Variants in NEBL observed in about 807,000 individuals in gnomAD.
The protein encoded by NEBL is LIM and SH3 protein 2.
In NEBL, 122 loss-of-function variants were observed where a neutral mutation model predicts 140.2. The ratio of observed to expected loss-of-function variants is 0.87; its 90% confidence interval spans 0.75 to 1.01. The LOEUF is 1.01. NEBL is among the 50% of genes least tolerant of loss of function. The probability of loss-of-function intolerance (pLI) is 0.00; values close to 1 mark genes in which losing one functional copy is unlikely to be tolerated. For missense variants in NEBL, 1,365 were observed against 1,231.3 expected, an observed-to-expected ratio of 1.11 and a Z score of -1.62; for synonymous variants, 436 against 398.9, an observed-to-expected ratio of 1.09 and a Z score of -1.11.
chr10:21,025,959 A>G (rs1302810729), intron 2 of NEBL, among the ~76,000 whole-genome samples: 1 of 152,140 alleles, frequency 6.6e-6, no homozygotes, highest in Non-Finnish European at 1.5e-5. Context: ...AACTACTACT[A>G]CTTTCTCTTT....
chr10:21,214,136 T>C (rs1054623917), intron 3 of NEBL, among the ~76,000 whole-genome samples: 2 of 151,434 alleles, frequency 1.3e-5, no homozygotes, highest in Non-Finnish European at 2.9e-5. Flanking sequence ...ATTTCATGTA[T>C]ATATATGTAT....
intron 26 of NEBL, among the ~76,000 whole-genome samples, chr10:20,798,918 T>G (rs1452380648): frequency 6.6e-6 from 1 of 152,176 alleles, no homozygotes; most frequent in Non-Finnish European, 1.5e-5. Context: ...AGAAAACGTA[T>G]GACATTTCTT....
intron 3 of NEBL, among the ~76,000 whole-genome samples, chr10:20,971,552 C>T (rs1836570974): frequency 2.0e-5 from 3 of 148,350 alleles, no homozygotes; most frequent in Non-Finnish European, 3.0e-5. Context: ...CCCACTAACT[C>T]GTCATCTAGC....
intron 2 of NEBL, among the ~76,000 whole-genome samples, chr10:21,147,812 C>G (rs1319551164): frequency 2.0e-5 from 3 of 152,214 alleles, no homozygotes; most frequent in Non-Finnish European, 4.4e-5. Context: ...AGCATTCGGA[C>G]TTGAGGCTGC....
At chr10:21,024,083 C>T (rs79332448) in intron 2 of NEBL, among the ~76,000 whole-genome samples, 1 of 147,888 alleles carries the variant, frequency 6.8e-6, no homozygotes, top group African/African-American at 2.5e-5. Flanking sequence ...AAAAAAAAAA[C>T]ATTGAAAAGC....
chr10:21,265,447 C>G (rs952432971), intron 1 of NEBL, among the ~76,000 whole-genome samples: 1 of 152,166 alleles, frequency 6.6e-6, no homozygotes, highest in African/African-American at 2.4e-5. Context: ...GTATGGTGAG[C>G]ACCATCATAC....
upstream of NEBL, chr10:20,897,395 G>A (rs768783659): frequency 2.9e-6 from 4 of 1,382,876 alleles, no homozygotes; most frequent in Non-Finnish European, 3.7e-6. Context: ...AAGGATCCCA[G>A]AGGTCTACCA....
chr10:21,096,756 C>A (rs1837206865), intron 2 of NEBL, among the ~76,000 whole-genome samples: 1 of 152,148 alleles, frequency 6.6e-6, no homozygotes, highest in Admixed American at 6.5e-5. Context: ...CTCAAGCAAT[C>A]CTCCTCCCTC....
chr10:20,813,860 A>G (rs1838412939), intron 23 of NEBL, 79 bp downstream of exon 23: 3 of 930,624 alleles, frequency 3.2e-6, no homozygotes, highest in Non-Finnish European at 3.6e-6. Context: ...TTATCGGATT[A>G]ATAGTGAAGT....
rs571286004 is a variant in NEBL, at chr10:21,153,846, G to A, written c.164+18537C>T. Among the ~76,000 whole-genome samples the A allele has an allele frequency of 4.6e-5, 7 of 152,098 alleles. No homozygotes were observed. In the South Asian group the frequency reaches 1.0e-3, roughly 23 times the overall value. On this transcript the variant is annotated intron_variant, in intron 2 of 6. Transcript: ENST00000417816. ...AAGTTCTTAAAATAAAAGTATATACGGAAATAAACGTAAGTCTTTACATCT... is the reference window on the plus strand; with the variant it reads ...AAGTTCTTAAAATAAAAGTATATACAGAAATAAACGTAAGTCTTTACATCT...
chr10:21,116,479 T>C (rs1362829456), intron 2 of NEBL, among the ~76,000 whole-genome samples: 1 of 152,122 alleles, frequency 6.6e-6, no homozygotes, highest in Non-Finnish European at 1.5e-5. Flanking sequence ...CCATCTCCAA[T>C]TATCATCACA....
chr10:20,809,616 A>G (rs1016520273), intron 25 of NEBL, among the ~76,000 whole-genome samples, 190 bp downstream of exon 25: 1 of 152,180 alleles, frequency 6.6e-6, no homozygotes, highest in South Asian at 2.1e-4. Context: ...CAGACTAATT[A>G]AGATATATTA....
At position 20,832,225 on chromosome 10, in the gene NEBL, C is replaced by T. The variant is rs115210407; in HGVS notation, c.1450-642G>A. 4.6e-3 allele frequency among the ~76,000 whole-genome samples: 697 copies of T among 152,350 alleles called. 4 individuals are homozygous for T. Among genetic ancestry groups the T allele is most frequent in the South Asian group, 0.02 (96 of 4,830 alleles). ...CTGGACTCAATAAATCATTATACCC[C>T]ATCACCCACACTGCAGAATTGGTTC... On this transcript the variant is annotated intron_variant, in intron 14 of 27. Transcript: ENST00000377122.
At chr10:21,283,416 T>G (rs1266198445) in intron 1 of NEBL, among the ~76,000 whole-genome samples, 2 of 152,150 alleles carry the variant, frequency 1.3e-5, no homozygotes, top group Non-Finnish European at 2.9e-5. Context: ...AAGTAGCCAT[T>G]CTTTTATTCC....
intron 2 of NEBL, among the ~76,000 whole-genome samples, chr10:21,044,165 G>T (rs895762711): frequency 6.6e-6 from 1 of 152,104 alleles, no homozygotes; most frequent in Admixed American, 6.5e-5. Context: ...TGGAGGCCAA[G>T]GCGGGCGGAT....
intron 2 of NEBL, among the ~76,000 whole-genome samples, chr10:21,101,740 C>A (rs952063263): frequency 1.3e-5 from 2 of 152,176 alleles, no homozygotes; most frequent in Admixed American, 6.5e-5. Flanking sequence ...GAGTGTCAAG[C>A]ACGCCACTAA....
In NEBL at chr10:20,780,485, T is replaced by C. The variant is rs1364045318; in HGVS notation, c.*5262A>G. ...GAAAATATCTTGACTGATTCACCAA[T>C]GTAAATGCACTGAAGGCAGCACACA... is the stretch of plus-strand genomic sequence containing the variant. On this transcript the variant is annotated 3_prime_UTR_variant, in exon 28 of 28. Coordinates refer to ENST00000377122, the MANE Select transcript of NEBL (RefSeq NM_006393.3). The C allele has an allele frequency of 6.6e-6, 1 of 152,172 alleles. No individual in the cohort carries two copies. The highest frequency in any genetic ancestry group is 1.5e-5 in the Non-Finnish European group (1 of 68,028). The allele number at this position is 152,172 out of a possible 1,614,324, so 9.4% of individuals were successfully genotyped here. A position where few individuals can be genotyped will look rare whatever the true frequency, so the allele number is the denominator to read the frequency against.
chr10:20,987,802 C>A (rs1305720956), intron 3 of NEBL, among the ~76,000 whole-genome samples: 2 of 152,140 alleles, frequency 1.3e-5, no homozygotes, highest in African/African-American at 4.8e-5. Context: ...TGTACCAGCA[C>A]CCCTTATTTT....
intron 3 of NEBL, among the ~76,000 whole-genome samples, chr10:21,196,320 T>C (rs900557869): frequency 7.2e-6 from 1 of 138,364 alleles, no homozygotes. Flanking sequence ...TATTTTTATT[T>C]ATTTATTTAT....
Sources: gnomAD v4.1 joint callset for allele counts (sites outside exome capture counted in the v4.1 genomes callset) on GRCh38, gnomAD v4.1.1 for gene constraint, MANE v1.5 for transcripts, NCBI Gene and HGNC (gene_info 2026-07-23, HGNC 2026-07-21) for gene names.